Variants in MUC5AC observed in about 807,000 individuals in gnomAD.
MUC5AC encodes mucin 5AC, oligomeric mucus/gel-forming.
A neutral mutation model predicts 169.7 loss-of-function variants in MUC5AC; 158 were observed. The ratio of observed to expected loss-of-function variants is 0.93; its 90% CI spans 0.82 to 1.06. The LOEUF is 1.06. Ranked by LOEUF, MUC5AC falls within the 50% of genes least tolerant of loss-of-function variation. The probability of loss-of-function intolerance (pLI) is 0.00; values close to 1 mark genes in which losing one functional copy is unlikely to be tolerated. For missense variants in MUC5AC, 4,359 were observed against 3,089.9 expected (o/e 1.41, Z -9.74); for synonymous variants, 1,975 against 1,237.0 (o/e 1.60, Z -12.52).
chr11:1,159,592 G>T (rs1590131074), intron 1 of MUC5AC, among the ~76,000 whole-genome samples: 10 of 103,436 alleles, frequency 9.7e-5, no homozygotes, highest in South Asian at 3.8e-4. Flanking sequence ...GCTGTGCGGG[G>T]CTGTGCGGGG....
chr11:1,195,021 CCAA>C lies in MUC5AC; in HGVS notation c.15202_15204del (p.Asn5068del). ...CACCGCGTCTGCCCAGGCACTTGCA[CCAA>C]CGACAGGAAGGATGAGTGCCGCACG... On this transcript the variant is annotated inframe_deletion, in exon 36 of 49. Coordinates refer to ENST00000621226, the MANE Select transcript of MUC5AC (RefSeq NM_001304359.2). 1.3e-6 allele frequency: 1 copy of C among 742,144 alleles called. No homozygotes were observed. Among genetic ancestry groups the C allele is most frequent in the Non-Finnish European group, 2.5e-6 (1 of 406,430 alleles). 46.0% of individuals were successfully genotyped at this position (742,144 alleles called of 1,614,324 possible). A position where few individuals can be genotyped will look rare whatever the true frequency, so the allele number is the denominator to read the frequency against.
intron 26 of MUC5AC, among the ~76,000 whole-genome samples, chr11:1,179,776 C>T (rs1860771157): frequency 6.6e-6 from 1 of 151,624 alleles, no homozygotes; most frequent in South Asian, 2.1e-4. Context: ...CCAGCTCTAG[C>T]CCACACGGAG....
At position 1,200,424 on chromosome 11, in the gene MUC5AC, GC is replaced by G; in HGVS notation, c.16701-10del. ...GTGGCGCAGCAGCTGGTGCTGAGCA[GC>G]CCCTGCCCACAGGTACTCGCTCGAG... is the stretch of plus-strand genomic sequence containing the variant. On this transcript the variant is annotated splice_polypyrimidine_tract_variant and intron_variant, in intron 48 of 48. Transcript: ENST00000621226. The G allele has an allele frequency of 1.5e-6, 1 of 681,662 alleles. No individual in the cohort carries two copies. The allele number at this position is 681,662 out of a possible 1,614,324, so 42.2% of individuals were successfully genotyped here.
chr11:1,178,776 C>T (rs1564912004), intron 25 of MUC5AC, 93 bp downstream of exon 25: 1 of 634,748 alleles, frequency 1.6e-6, no homozygotes. Flanking sequence ...GTCTGGGAGA[C>T]AGCTGCCAAC....
chr11:1,173,850 C>T (rs1590140191), intron 16 of MUC5AC, among the ~76,000 whole-genome samples: 1 of 130,868 alleles, frequency 7.6e-6, no homozygotes, highest in South Asian at 2.2e-4. Context: ...TCACTAATTC[C>T]TTCACCTACT....
chr11:1,164,036 G>A lies in MUC5AC; in HGVS notation c.789+45G>A, dbSNP rs916257322. On this transcript the variant is annotated intron_variant, in intron 7 of 48. Transcript: ENST00000621226. The stretch of plus-strand genomic sequence containing the variant: ...GAGGGCCCAGCAGGTTGAGCAGGAG[G>A]GGTTGTGAGCCTGGGAACCGGTCCA... 1.9e-6 allele frequency: 3 copies of A among 1,609,260 alleles called. No individual in the cohort carries two copies. The African/African-American group carries it at 4.0e-5, about 21-fold the overall frequency.
In MUC5AC at chr11:1,185,278, G is replaced by A; in HGVS notation, c.7133G>A (p.Ser2378Asn). The A allele has an allele frequency of 3.5e-6, 2 of 572,978 alleles. No homozygotes were observed. Among genetic ancestry groups the A allele is most frequent in the Non-Finnish European group, 6.2e-6 (2 of 322,174 alleles). 35.5% of individuals were successfully genotyped at this position (572,978 alleles called of 1,614,324 possible). A position where few individuals can be genotyped will look rare whatever the true frequency, so the allele number is the denominator to read the frequency against. Residue 2378 changes from serine (S) to asparagine (N), a missense_variant, in exon 31 of 49, where the codon AGC becomes AAC. Ser to Asn is a conservative substitution (Grantham distance 46, BLOSUM62 1). Coordinates refer to ENST00000621226, the MANE Select transcript of MUC5AC (RefSeq NM_001304359.2). Reference sequence around the variant, plus strand: ...ACCAGCACAACCTCTGCCCGTACAAGCAGCACAACCTCTGCCACTACCACC... The same window carrying A: ...ACCAGCACAACCTCTGCCCGTACAAACAGCACAACCTCTGCCACTACCACC... Reference protein sequence around the residue: ...PTTSTTSARTSSTTSATTTSR... With the variant: ...PTTSTTSARTNSTTSATTTSR...
At chr11:1,171,880 C>A (rs1473178654) in intron 15 of MUC5AC, among the ~76,000 whole-genome samples, 1 of 151,976 alleles carries the variant, frequency 6.6e-6, no homozygotes, top group Non-Finnish European at 1.5e-5. Context: ...CCCATTCACC[C>A]ACTCACCCAC....
intron 9 of MUC5AC, 130 bp downstream of exon 9, chr11:1,164,662 T>A: frequency 7.6e-7 from 1 of 1,318,494 alleles, no homozygotes; most frequent in Non-Finnish European, 1.0e-6. Context: ...CTGAGGCCCC[T>A]GTCCTGGGCC....
In MUC5AC at chr11:1,187,672, C is replaced by G. The variant is rs2133761131; in HGVS notation, c.9527C>G (p.Ser3176Cys). The change falls in exon 31 of 49, where the codon TCT (serine) becomes TGT (cysteine). Residue 3176 changes from serine (S) to cysteine (C), a missense_variant. Coordinates refer to ENST00000621226, the MANE Select transcript of MUC5AC (RefSeq NM_001304359.2). ...FAPRTSTTSA[S>C]TTSTTPGPGT... ...CCTAGAACCAGCACCACTTCTGCCT[C>G]TACAACCAGCACAACCCCTGGTCCT... is the stretch of plus-strand genomic sequence containing the variant. The G allele has an allele frequency of 1.3e-6, 1 of 765,164 alleles. No individual in the cohort carries two copies. Among genetic ancestry groups the G allele is most frequent in the East Asian group, 2.4e-5 (1 of 41,256 alleles). The allele number at this position is 765,164 out of a possible 1,614,324, so 47.4% of individuals were successfully genotyped here. A position where few individuals can be genotyped will look rare whatever the true frequency, so the allele number is the denominator to read the frequency against.
At position 1,193,977 on chromosome 11, in the gene MUC5AC, G is replaced by A. The variant is rs140820725; in HGVS notation, c.14756-133G>A. On this transcript the variant is annotated intron_variant, in intron 33 of 48. Transcript: ENST00000621226. The stretch of plus-strand genomic sequence containing the variant: ...CGCTGGCCACGTGTGTTCTGATGAC[G>A]TGAGGGTCTTGTGCGCCCTGTGAGA... The A allele has an allele frequency of 1.0e-3, 685 of 652,726 alleles. 9 individuals are homozygous for A. In the African/African-American group the frequency reaches 0.011, roughly 10 times the overall value. The allele number at this position is 652,726 out of a possible 1,614,324, so 40.4% of individuals were successfully genotyped here.
In MUC5AC at chr11:1,158,083, G is replaced by A. The variant is rs974789865; in HGVS notation, c.73+11G>A. The A allele has an allele frequency of 1.3e-6, 2 of 1,591,898 alleles. No individual in the cohort carries two copies. Among genetic ancestry groups the A allele is most frequent in the South Asian group, 1.1e-5 (1 of 87,972 alleles). ...GCACCCGGCATACAGGTACGGCTTG[G>A]CCCCTGGCCGCTCTACTGGTCCTGG... On this transcript the variant is annotated intron_variant, in intron 1 of 48. Transcript: ENST00000621226.
Position 1,178,812 on chromosome 11 carries a change from C to T in MUC5AC, c.3327+129C>T, listed in dbSNP as rs1317589150. The T allele has an allele frequency of 4.5e-5, 21 of 465,066 alleles. No individual in the cohort carries two copies. The South Asian group carries it at 5.5e-4, about 12-fold the overall frequency. The allele number at this position is 465,066 out of a possible 1,614,324, so 28.8% of individuals were successfully genotyped here. The stretch of plus-strand genomic sequence containing the variant: ...CAAGGGTGTGGGCTGCTGGGACTGG[C>T]GCTGGTATGGACTCGCCTAGAGGGG... On this transcript the variant is annotated intron_variant, in intron 25 of 48. Coordinates refer to ENST00000621226, the MANE Select transcript of MUC5AC (RefSeq NM_001304359.2).
In MUC5AC at chr11:1,163,909, G is replaced by C. The variant is rs1438228401; in HGVS notation, c.707G>C (p.Gly236Ala). ...ACCAAGCTGACACCCATGGAATTCGGGAACCTGCAGAAGATGGACGACCCC... is the reference window on the plus strand; with the variant it reads ...ACCAAGCTGACACCCATGGAATTCGCGAACCTGCAGAAGATGGACGACCCC... ...HNTKLTPMEF[G>A]NLQKMDDPTD... is the part of the protein sequence containing the mutation. Residue 236 changes from glycine (G) to alanine (A), a missense_variant, in exon 7 of 49, where the codon GGG becomes GCG. Coordinates refer to ENST00000621226, the MANE Select transcript of MUC5AC (RefSeq NM_001304359.2). The C allele has an allele frequency of 6.2e-7, 1 of 1,610,502 alleles. No homozygotes were observed. Among genetic ancestry groups the C allele is most frequent in the East Asian group, 2.2e-5 (1 of 44,798 alleles).
chr11:1,172,547 C>T (rs1406714603), intron 16 of MUC5AC, 24 bp downstream of exon 16: 15 of 398,610 alleles, frequency 3.8e-5, no homozygotes, highest in East Asian at 1.8e-4. Context: ...CCTCTTGGCC[C>T]GGTGGGGCTC....
At position 1,186,719 on chromosome 11, in the gene MUC5AC, C is replaced by T. The variant is rs1860956347; in HGVS notation, c.8574C>T (p.Thr2858=). The T allele has an allele frequency of 1.4e-6, 1 of 731,006 alleles. No homozygotes were observed. The highest frequency in any genetic ancestry group is 1.9e-5 in the Admixed American group (1 of 53,534). The allele number at this position is 731,006 out of a possible 1,614,324, so 45.3% of individuals were successfully genotyped here. A position where few individuals can be genotyped will look rare whatever the true frequency, so the allele number is the denominator to read the frequency against. Residue 2858 remains threonine, a synonymous_variant, in exon 31 of 49, where the codon ACC becomes ACT. Transcript: ENST00000621226. ...CCAGCACAACCTCTGCCCCTACAAC[C>T]AGAACAACCTCTGTCCCTACAAGCA... ...PTTSTTSAPT[T]RTTSVPTSST...
In MUC5AC at chr11:1,192,246, C is replaced by T. The variant is rs774252514; in HGVS notation, c.14101C>T (p.Leu4701=). ...GGTGCAGTGCAGCCGTGAAGAGGGC[C>T]TGGTGTGCCGGAACCAGGACCAGCA... ...QVVQCSREEG[L]VCRNQDQQGP... Residue 4701 remains leucine, a synonymous_variant, in exon 31 of 49, where the codon CTG becomes TTG. Transcript: ENST00000621226. 27 of 764,982 alleles carry T rather than the reference C, an allele frequency of 3.5e-5. No individual in the cohort carries two copies. Among genetic ancestry groups the T allele is most frequent in the Middle Eastern group, 4.5e-4 (2 of 4,462 alleles). 47.4% of individuals were successfully genotyped at this position (764,982 alleles called of 1,614,324 possible). A position where few individuals can be genotyped will look rare whatever the true frequency, so the allele number is the denominator to read the frequency against.
Position 1,197,991 on chromosome 11 carries a change from A to G in MUC5AC, c.16122A>G (p.Pro5374=), listed in dbSNP as rs1344563870. Residue 5374 remains proline (P), a synonymous_variant, in exon 42 of 49, where the codon CCA becomes CCG. Transcript: ENST00000621226. Reference sequence around the variant, plus strand: ...CCTACCAGGAGGGGGCCTGCTGCCCAGTCCAAAACTGCAGTGAGTGGCCTG... The same window carrying G: ...CCTACCAGGAGGGGGCCTGCTGCCCGGTCCAAAACTGCAGTGAGTGGCCTG... ...IPTYQEGACC[P]VQNCSWTVCS... 7 of 714,284 alleles carry G rather than the reference A, an allele frequency of 9.8e-6. No homozygotes were observed. The highest frequency in any genetic ancestry group is 5.1e-5 in the East Asian group (2 of 39,514). The allele number at this position is 714,284 out of a possible 1,614,324, so 44.2% of individuals were successfully genotyped here.
In MUC5AC at chr11:1,193,598, C is replaced by T. The variant is rs79777218; in HGVS notation, c.14694C>T (p.Asn4898=). ...CPRVEKPTCA[N]GYPAVKVADQ... is the part of the protein sequence containing the mutation. ...GGGTGGAGAAGCCCACTTGTGCCAA[C>T]GGCTACCCGGCTGTGAAGGTGGCTG... is the stretch of plus-strand genomic sequence containing the variant. The change falls in exon 33 of 49, where the codon AAC becomes AAT. Residue 4898 remains asparagine (N), a synonymous_variant. Coordinates refer to ENST00000621226, the MANE Select transcript of MUC5AC (RefSeq NM_001304359.2). 9.6e-4 allele frequency: 731 copies of T among 764,924 alleles called. No homozygotes were observed. Among genetic ancestry groups the T allele is most frequent in the Non-Finnish European group, 1.4e-3 (604 of 417,836 alleles). The allele number at this position is 764,924 out of a possible 1,614,324, so 47.4% of individuals were successfully genotyped here. A position where few individuals can be genotyped will look rare whatever the true frequency, so the allele number is the denominator to read the frequency against.
Sources: gnomAD v4.1 joint callset for allele counts (sites outside exome capture counted in the v4.1 genomes callset) on GRCh38, gnomAD v4.1.1 for gene constraint, MANE v1.5 for transcripts, NCBI Gene and HGNC (gene_info 2026-07-23, HGNC 2026-07-21) for gene names.